PDE1A: variants seen among roughly 807,000 people sequenced by gnomAD.
The protein encoded by PDE1A is phosphodiesterase 1A.
PDE1A carries 35 observed loss-of-function variants against 61.7 expected under a neutral mutation model. That is an observed-to-expected ratio of 0.57 (90% CI 0.43 to 0.75). The LOEUF is 0.75. PDE1A is among the 30% of genes least tolerant of loss of function. PDE1A has a pLI of 0.00. For synonymous variants in PDE1A, 232 were observed against 213.2 expected, an observed-to-expected ratio of 1.09 and a Z score of -0.77; for missense variants, 597 against 630.6, an observed-to-expected ratio of 0.95 and a Z score of 0.57.
At chr2:182,384,966 G>A (rs991747252) in intron 1 of PDE1A, among the ~76,000 whole-genome samples, 1 of 152,138 alleles carries the variant, frequency 6.6e-6, no homozygotes, top group African/African-American at 2.4e-5. Flanking sequence ...AGTACAGCTA[G>A]GAGCAGACTT....
chr2:182,328,407 T>C (rs1697186310), intron 1 of PDE1A, among the ~76,000 whole-genome samples: 1 of 152,144 alleles, frequency 6.6e-6, no homozygotes. Flanking sequence ...AACGAGGGCA[T>C]TGAGAGTACA....
chr2:182,242,319 C>T (rs865972810), intron 2 of PDE1A, among the ~76,000 whole-genome samples: 5 of 152,088 alleles, frequency 3.3e-5, no homozygotes, highest in African/African-American at 7.2e-5. Context: ...AATCCTTAGT[C>T]GTGATGCATG....
chr2:182,144,054 C>T (rs1172752113), downstream of PDE1A, among the ~76,000 whole-genome samples: 2 of 152,122 alleles, frequency 1.3e-5, no homozygotes, highest in African/African-American at 4.8e-5. Flanking sequence ...AACTAAAGAA[C>T]ATAAGCCCTG....
intron 10 of PDE1A, among the ~76,000 whole-genome samples, chr2:182,189,506 T>C (rs1157926751): frequency 6.6e-6 from 1 of 152,244 alleles, no homozygotes; most frequent in African/African-American, 2.4e-5. Flanking sequence ...AAGTATATGA[T>C]GTGAAACACC....
chr2:182,316,256 GTGTAA>G (rs1477678573), intron 1 of PDE1A, among the ~76,000 whole-genome samples: 1 of 152,152 alleles, frequency 6.6e-6, no homozygotes, highest in East Asian at 1.9e-4. Flanking sequence ...CTTTGAAAGA[GTGTAA>G]TGTTTTATAA....
chr2:182,359,248 T>G (rs1478335778), intron 1 of PDE1A, among the ~76,000 whole-genome samples: 1 of 151,976 alleles, frequency 6.6e-6, no homozygotes, highest in Non-Finnish European at 1.5e-5. Flanking sequence ...CAGAATCCAT[T>G]TGAAGCAAAA....
chr2:182,577,984 GGA>G, the PDE1A span, among the ~76,000 whole-genome samples: 3 of 147,016 alleles, frequency 2.0e-5, no homozygotes, highest in African/African-American at 7.7e-5. Context: ...AAGGAAGGAA[GGA>G]AGGAAGGGAC....
chr2:182,231,694 T>C (rs1488614516), intron 4 of PDE1A, among the ~76,000 whole-genome samples: 1 of 152,054 alleles, frequency 6.6e-6, no homozygotes, highest in Non-Finnish European at 1.5e-5. Flanking sequence ...AATGGGCCAA[T>C]CACGAGGTCA....
intron 9 of PDE1A, 27 bp downstream of exon 9, chr2:182,201,661 A>AAAAC (rs780548266): frequency 3.9e-6 from 6 of 1,555,300 alleles, no homozygotes; most frequent in South Asian, 2.4e-5. Flanking sequence ...AAAAAAAAAA[A>AAAAC]AACAACAAAA....
At chr2:182,573,481 G>A in the PDE1A span, among the ~76,000 whole-genome samples, 13 of 152,014 alleles carry the variant, frequency 8.6e-5, no homozygotes, top group African/African-American at 2.9e-4. Context: ...AAAAACAAAC[G>A]AGGGGCTATC....
intron 2 of PDE1A, among the ~76,000 whole-genome samples, chr2:182,486,858 G>A (rs902137754): frequency 1.3e-5 from 2 of 152,076 alleles, no homozygotes; most frequent in Admixed American, 6.6e-5. Flanking sequence ...GAATTTTTGT[G>A]ACCTTAGATT....
chr2:182,619,590 T>C, the PDE1A span, among the ~76,000 whole-genome samples: 3 of 152,170 alleles, frequency 2.0e-5, no homozygotes, highest in Non-Finnish European at 4.4e-5. Flanking sequence ...TGTGAAACAC[T>C]AAGATTCTAA....
intron 1 of PDE1A, among the ~76,000 whole-genome samples, chr2:182,311,918 A>G (rs1696003383): frequency 6.6e-6 from 1 of 152,174 alleles, no homozygotes. Context: ...TAGTACCTCC[A>G]CATTATCACC....
At chr2:182,202,870 T>G (rs1686777488) in intron 8 of PDE1A, among the ~76,000 whole-genome samples, 1 of 152,200 alleles carries the variant, frequency 6.6e-6, no homozygotes, top group Non-Finnish European at 1.5e-5. Flanking sequence ...GTTAAAAAAG[T>G]CACTTGTACT....
chr2:182,671,539 C>T, the PDE1A span, among the ~76,000 whole-genome samples: 2 of 150,896 alleles, frequency 1.3e-5, no homozygotes, highest in Non-Finnish European at 3.0e-5. Flanking sequence ...CCCCATTTTT[C>T]CTGATAGGTA....
At chr2:182,534,930 T>C in the PDE1A span, among the ~76,000 whole-genome samples, 1 of 152,206 alleles carries the variant, frequency 6.6e-6, no homozygotes, top group Non-Finnish European at 1.5e-5. Flanking sequence ...TACTTAATGC[T>C]CTAGTTTACA....
chr2:182,299,870 T>C (rs1287216905), intron 1 of PDE1A, among the ~76,000 whole-genome samples: 1 of 152,184 alleles, frequency 6.6e-6, no homozygotes, highest in Non-Finnish European at 1.5e-5. Flanking sequence ...CATTTCGACA[T>C]CCTTCAGAAA....
chr2:182,244,864 T>A (rs893991835), intron 2 of PDE1A, among the ~76,000 whole-genome samples: 1 of 152,224 alleles, frequency 6.6e-6, no homozygotes, highest in Non-Finnish European at 1.5e-5. Context: ...AGTTCAGTTG[T>A]ATGTCTCTGT....
At chr2:182,635,698 C>CTCTCTCTA in the PDE1A span, among the ~76,000 whole-genome samples, 58,493 of 146,534 alleles carry the variant, frequency 0.4, 11,972 homozygotes, top group East Asian at 0.48. Context: ...CTCTCTCTCT[C>CTCTCTCTA]TCCACATATG....
Sources: allele counts gnomAD v4.1 joint callset (sites outside exome capture counted in the v4.1 genomes callset), GRCh38; gene constraint gnomAD v4.1.1; transcripts MANE v1.5; gene names NCBI Gene and HGNC (gene_info 2026-07-23, HGNC 2026-07-21).